Variants in NAV2 observed in about 807,000 individuals in gnomAD.
NAV2 encodes neuron navigator 2, also known as helicase, APC down-regulated 1.
A neutral mutation model predicts 223.2 loss-of-function variants in NAV2; 54 were observed. That is an observed-to-expected ratio of 0.24 (90% CI 0.19 to 0.30). NAV2 has a LOEUF of 0.30. Ranked by LOEUF, NAV2 falls within the 10% of genes least tolerant of loss-of-function variation. The pLI, the probability that NAV2 is intolerant of heterozygous loss-of-function variation, is 1.00. For synonymous variants in NAV2, 1,279 were observed against 1,239.3 expected, an observed-to-expected ratio of 1.03 and a Z score of -0.67; for missense variants, 2,806 against 3,147.5, an observed-to-expected ratio of 0.89 and a Z score of 2.60.
chr11:20,105,854 T>TG (rs112945641), intron 35 of NAV2, 127 bp downstream of exon 35: 8,191 of 748,410 alleles, frequency 0.011, 249 homozygotes, highest in African/African-American at 0.08. Flanking sequence ...AGATAGAAAG[T>TG]GGGGCAGAGG....
At chr11:19,788,211 G>C (rs766862997) in intron 1 of NAV2, among the ~76,000 whole-genome samples, 1 of 152,086 alleles carries the variant, frequency 6.6e-6, no homozygotes, top group Non-Finnish European at 1.5e-5. Flanking sequence ...GTTTAGCAAC[G>C]TCCCTGGCTT....
chr11:19,364,383 A>G (rs543918155), intron 1 of NAV2, among the ~76,000 whole-genome samples: 1 of 152,290 alleles, frequency 6.6e-6, no homozygotes, highest in East Asian at 1.9e-4. Flanking sequence ...ACCCCAGGAA[A>G]GGAAGCTCTC....
At chr11:19,485,334 G>C (rs2042407126) in intron 1 of NAV2, among the ~76,000 whole-genome samples, 1 of 152,170 alleles carries the variant, frequency 6.6e-6, no homozygotes, top group Admixed American at 6.5e-5. Context: ...TTTGACTTGA[G>C]ATATCCAACT....
At chr11:19,718,540 T>C (rs1459558537) in intron 1 of NAV2, among the ~76,000 whole-genome samples, 2 of 152,230 alleles carry the variant, frequency 1.3e-5, no homozygotes, top group Non-Finnish European at 2.9e-5. Context: ...GTGGCAACTT[T>C]GCTCCATTGT....
chr11:19,463,168 G>A (rs939588325), intron 1 of NAV2, among the ~76,000 whole-genome samples: 2 of 152,118 alleles, frequency 1.3e-5, no homozygotes, highest in Non-Finnish European at 2.9e-5. Context: ...AATATTTTGA[G>A]GATTAATAAT....
intron 20 of NAV2, among the ~76,000 whole-genome samples, chr11:20,064,822 A>G (rs954493078): frequency 2.0e-5 from 3 of 152,192 alleles, no homozygotes; most frequent in Non-Finnish European, 4.4e-5. Context: ...CCCGAGGTGT[A>G]ATCATAGCGT....
chr11:19,933,240 G>T lies in NAV2; in HGVS notation c.996G>T (p.Glu332Asp), dbSNP rs758235111. ...GTGACAATGCACCTGCTTCCTTGGA[G>T]AGCGGCAGCAGCTCCACCCCTACTA... Reference protein sequence around the residue: ...GMSDNAPASLESGSSSTPTNC... With the variant: ...GMSDNAPASLDSGSSSTPTNC... The change falls in exon 7 of 38, where the codon GAG (glutamate) becomes GAT (aspartate). Residue 332 changes from glutamate to aspartate, a missense_variant. Glu to Asp is a conservative substitution (Grantham distance 45, BLOSUM62 2). Around this residue, in one of 4 missense-constraint regions of NAV2, gnomAD observed 1,167 missense variants for 1,180.5 expected, o/e 0.99. Coordinates refer to ENST00000349880, the MANE Select transcript of NAV2 (RefSeq NM_145117.5). This position sits in a 1 kb window ranked among gnomAD's most constrained non-coding sequence, Gnocchi z 4.3. 16 of 1,597,038 alleles carry T rather than the reference G, an allele frequency of 1.0e-5. No individual in the cohort carries two copies. In the Middle Eastern group the frequency reaches 6.7e-4, roughly 67 times the overall value.
chr11:19,532,801 G>C (rs2044067942), intron 1 of NAV2, among the ~76,000 whole-genome samples: 1 of 152,166 alleles, frequency 6.6e-6, no homozygotes, highest in Admixed American at 6.5e-5. Flanking sequence ...AACTTCAAAG[G>C]GTTGTCCCAC....
chr11:19,409,481 G>A (rs547576138), intron 1 of NAV2, among the ~76,000 whole-genome samples: 1 of 152,292 alleles, frequency 6.6e-6, no homozygotes, highest in South Asian at 2.1e-4. Flanking sequence ...CTTGGATTTA[G>A]ATAGCTCTTG....
chr11:19,774,195 T>C (rs1277568545), intron 1 of NAV2, among the ~76,000 whole-genome samples: 2 of 152,206 alleles, frequency 1.3e-5, no homozygotes, highest in African/African-American at 4.8e-5. Context: ...TTTGCAGAGT[T>C]TGTGGAGGTC....
At chr11:19,399,816 G>T (rs890428321) in intron 1 of NAV2, among the ~76,000 whole-genome samples, 1 of 152,182 alleles carries the variant, frequency 6.6e-6, no homozygotes, top group African/African-American at 2.4e-5. Context: ...CACATATAGG[G>T]TGCTGCCCCT....
rs189960963 is a variant in NAV2 at position 19,438,352 on chromosome 11, A to G, written c.75+87325A>G. On this transcript the variant is annotated intron_variant, in intron 1 of 37. Coordinates refer to the NAV2 transcript ENST00000360655. ...TGTGTGGCAAGACAGGGAGCAGGGG[A>G]AGCACAGGTTTGGATGCAAGCAGCC... is the stretch of plus-strand genomic sequence containing the variant. Among the ~76,000 whole-genome samples the G allele has an allele frequency of 2.6e-3, 390 of 152,364 alleles. 3 individuals are homozygous for G. Among genetic ancestry groups the G allele is most frequent in the Non-Finnish European group, 3.0e-3 (205 of 68,032 alleles).
At chr11:19,499,561 T>C (rs2702655) in intron 1 of NAV2, among the ~76,000 whole-genome samples, 1 of 151,982 alleles carries the variant, frequency 6.6e-6, no homozygotes, top group Non-Finnish European at 1.5e-5. Flanking sequence ...GAATCTGGGG[T>C]TTGGAATGAG....
intron 1 of NAV2, among the ~76,000 whole-genome samples, chr11:19,643,613 C>T (rs2047729525): frequency 6.6e-6 from 1 of 152,090 alleles, no homozygotes; most frequent in Admixed American, 6.5e-5. Flanking sequence ...TGAATAGTGC[C>T]ACAATAAACA....
intron 1 of NAV2, among the ~76,000 whole-genome samples, chr11:19,759,751 GT>G (rs201762248): frequency 0.017 from 2,662 of 152,232 alleles, 82 homozygotes; most frequent in African/African-American, 0.061. Flanking sequence ...ACCTCATGGG[GT>G]TTTTTAATGT....
intron 22 of NAV2, among the ~76,000 whole-genome samples, chr11:20,073,349 G>A (rs190530310): frequency 1.8e-3 from 277 of 152,240 alleles, no homozygotes; most frequent in Non-Finnish European, 1.9e-3. Context: ...GTATTTTACC[G>A]AGGATTTTCA....
chr11:19,680,222 C>T (rs2048846329), intron 1 of NAV2, among the ~76,000 whole-genome samples: 1 of 152,160 alleles, frequency 6.6e-6, no homozygotes, highest in African/African-American at 2.4e-5. Context: ...TTTCATCCCC[C>T]ACCCCCCTCT....
At chr11:19,793,482 C>G (rs1328003998) in intron 1 of NAV2, among the ~76,000 whole-genome samples, 2 of 152,178 alleles carry the variant, frequency 1.3e-5, no homozygotes, top group African/African-American at 4.8e-5. Context: ...GGTGCCAAAG[C>G]ATGCCCAGCA....
At chr11:19,633,017 A>G (rs2047388535) in intron 1 of NAV2, among the ~76,000 whole-genome samples, 2 of 152,168 alleles carry the variant, frequency 1.3e-5, no homozygotes, top group Admixed American at 6.5e-5. Context: ...TTGAAACTGT[A>G]CTACGACTGT....
Sources: gnomAD v4.1 joint callset for allele counts (sites outside exome capture counted in the v4.1 genomes callset) on GRCh38, gnomAD v4.1.1 for gene constraint, gnomAD v4.1.1 regional missense constraint, Gnocchi (gnomAD v3.1) non-coding constraint, MANE v1.5 for transcripts, NCBI Gene and HGNC (gene_info 2026-07-23, HGNC 2026-07-21) for gene names.